Variants in IKZF1 observed in about 807,000 individuals in gnomAD.
IKZF1 encodes DNA-binding protein Ikaros.
Under a neutral mutation model 51.7 loss-of-function variants are expected in IKZF1, and 10 were observed. That is an observed-to-expected ratio of 0.19 (90% CI 0.12 to 0.33). IKZF1 has a LOEUF of 0.33. Ranked by LOEUF, IKZF1 falls within the 10% of genes least tolerant of loss-of-function variation. The probability of loss-of-function intolerance (pLI) is 1.00; values close to 1 mark genes in which losing one functional copy is unlikely to be tolerated. For synonymous variants in IKZF1, 280 were observed against 282.3 expected (o/e 0.99, Z 0.08); for missense variants, 484 against 707.5 (o/e 0.68, Z 3.58).
intron 1 of IKZF1, among the ~76,000 whole-genome samples, chr7:50,317,384 A>G (rs990969081): frequency 3.3e-5 from 5 of 152,216 alleles, no homozygotes; most frequent in Non-Finnish European, 5.9e-5. Flanking sequence ...ATTTGAGTCT[A>G]TCTTGCTTCT....
chr7:50,304,128 C>A (rs975435557), upstream of IKZF1: 33 of 146,978 alleles, frequency 2.2e-4, no homozygotes, highest in African/African-American at 7.9e-4. Context: ...CGGCCCGCAC[C>A]CGCCGCCGCC....
chr7:50,393,345 A>T (rs1562896770), intron 7 of IKZF1, among the ~76,000 whole-genome samples: 1 of 151,954 alleles, frequency 6.6e-6, no homozygotes, highest in African/African-American at 2.4e-5. Context: ...ACACATGGGG[A>T]AATTGTGGTG....
chr7:50,336,172 C>T (rs1367552381), intron 3 of IKZF1, among the ~76,000 whole-genome samples: 1 of 152,062 alleles, frequency 6.6e-6, no homozygotes, highest in Non-Finnish European at 1.5e-5. Flanking sequence ...GCTGGGTCCC[C>T]GGAGAAGACT....
intron 3 of IKZF1, chr7:50,368,588 T>C: frequency 2.0e-6 from 1 of 488,278 alleles, no homozygotes; most frequent in Non-Finnish European, 3.6e-6. Context: ...GCCAACGTAC[T>C]GTTCCTGCTT....
intron 3 of IKZF1, among the ~76,000 whole-genome samples, chr7:50,348,214 A>G (rs1414610764): frequency 6.6e-6 from 1 of 152,224 alleles, no homozygotes; most frequent in Non-Finnish European, 1.5e-5. Context: ...AGTGAAAGAA[A>G]TTCATTTTTT....
intron 1 of IKZF1, chr7:50,318,481 C>A (rs1443677965): frequency 4.4e-6 from 1 of 227,682 alleles, no homozygotes; most frequent in Non-Finnish European, 8.7e-6. Context: ...GACAGGAGCG[C>A]CCGCATTGCC....
At chr7:50,396,790 T>C (rs1213685454) in intron 7 of IKZF1, among the ~76,000 whole-genome samples, 1 of 152,234 alleles carries the variant, frequency 6.6e-6, no homozygotes, top group African/African-American at 2.4e-5. Flanking sequence ...TTTGTTAAAA[T>C]ACTTTTCCTT....
Position 50,328,046 on chromosome 7 carries a change from A to T in IKZF1, c.160+289A>T. ...TGTCACTGTCCTCTGTCCTCACTGC[A>T]CTTGCAGGAATATCAAATGTTATGG... is the stretch of plus-strand genomic sequence containing the variant. On this transcript the variant is annotated intron_variant, in intron 3 of 7. Coordinates refer to ENST00000331340, the MANE Select transcript of IKZF1 (RefSeq NM_006060.6). 2 of 325,970 alleles carry T rather than the reference A, an allele frequency of 6.1e-6. 1 individual carries two copies. Among genetic ancestry groups the T allele is most frequent in the Middle Eastern group, 8.3e-4 (2 of 2,402 alleles). 20.2% of individuals were successfully genotyped at this position (325,970 alleles called of 1,614,324 possible).
chr7:50,316,461 C>G (rs1004910500), intron 1 of IKZF1, among the ~76,000 whole-genome samples: 5 of 152,184 alleles, frequency 3.3e-5, no homozygotes, highest in Non-Finnish European at 7.3e-5. Context: ...CCAGCAGGCC[C>G]ACGTGCGAAA....
intron 3 of IKZF1, among the ~76,000 whole-genome samples, chr7:50,337,792 A>T (rs1324684792): frequency 6.6e-6 from 1 of 152,156 alleles, no homozygotes; most frequent in Admixed American, 6.5e-5. Context: ...GGGCACGATG[A>T]TATTTGATGT....
chr7:50,343,179 C>CCTCCCTTCCCCTCGT lies in IKZF1; in HGVS notation c.160+15451_160+15465dup, dbSNP rs1321113561. ...CTTCCCTCCTTCCCTCCCCACCCTC[C>CCTCCCTTCCCCTCGT]CTCCCTTCCCCTCGTCTCCCTTCCC... On this transcript the variant is annotated intron_variant, in intron 3 of 7. Transcript: ENST00000331340. Among the ~76,000 whole-genome samples the CCTCCCTTCCCCTCGT allele has an allele frequency of 3.0e-3, 321 of 107,034 alleles. 8 individuals are homozygous for CCTCCCTTCCCCTCGT. The highest frequency in any genetic ancestry group is 0.024 in the East Asian group (72 of 3,002). The allele number at this position is 107,034 out of a possible 152,430, so 70.2% of individuals were successfully genotyped here.
At chr7:50,306,809 C>G (rs1367199233) in intron 1 of IKZF1, among the ~76,000 whole-genome samples, 1 of 152,062 alleles carries the variant, frequency 6.6e-6, no homozygotes, top group East Asian at 1.9e-4. Context: ...ATTTTTTGTT[C>G]TTGATTTGGA....
At chr7:50,387,254 CT>C (rs1385601531) in intron 5 of IKZF1, 90 bp from the exon 6 acceptor site, 3 of 1,405,850 alleles carry the variant, frequency 2.1e-6, no homozygotes, top group East Asian at 2.7e-5. Flanking sequence ...TTTTTTTTAA[CT>C]TTTTTGGTAA....
At position 50,318,139 on chromosome 7, in the gene IKZF1, C is replaced by T. The variant is rs139788176; in HGVS notation, c.-14-909C>T. Among the ~76,000 whole-genome samples, 239 of 129,184 alleles carry T rather than the reference C, an allele frequency of 1.9e-3. 1 individual carries two copies. Among genetic ancestry groups the T allele is most frequent in the African/African-American group, 6.8e-3 (227 of 33,608 alleles). 84.7% of individuals were successfully genotyped at this position (129,184 alleles called of 152,430 possible). A position where few individuals can be genotyped will look rare whatever the true frequency, so the allele number is the denominator to read the frequency against. On this transcript the variant is annotated intron_variant, in intron 1 of 7. Transcript: ENST00000331340. ...CTTTGGGGCACCTGAGACTGCCGAGCGGCAGGCCAGGACCCAAGTGCGAAA... is the reference window on the plus strand; with the variant it reads ...CTTTGGGGCACCTGAGACTGCCGAGTGGCAGGCCAGGACCCAAGTGCGAAA...
chr7:50,340,530 G>A (rs1798840568), intron 3 of IKZF1, among the ~76,000 whole-genome samples: 1 of 152,246 alleles, frequency 6.6e-6, no homozygotes, highest in Non-Finnish European at 1.5e-5. Context: ...GTGAAGGACT[G>A]TTACCCTAGA....
chr7:50,368,638 A>T (rs1049580922), intron 3 of IKZF1: 4 of 337,842 alleles, frequency 1.2e-5, no homozygotes, highest in African/African-American at 8.4e-5. Context: ...CTGTTAAACC[A>T]AAAACAGATG....
intron 3 of IKZF1, among the ~76,000 whole-genome samples, chr7:50,361,997 C>T (rs1466049626): frequency 6.6e-6 from 1 of 152,148 alleles, no homozygotes; most frequent in Non-Finnish European, 1.5e-5. Flanking sequence ...TTAATTGGAG[C>T]TTTTTCTATC....
chr7:50,350,333 A>T (rs563272977), intron 3 of IKZF1, among the ~76,000 whole-genome samples: 1 of 152,220 alleles, frequency 6.6e-6, no homozygotes, highest in East Asian at 1.9e-4. Flanking sequence ...AGAAGCCTGT[A>T]CAGATGTTCC....
At chr7:50,329,917 G>A (rs1796061324) in intron 3 of IKZF1, among the ~76,000 whole-genome samples, 1 of 152,248 alleles carries the variant, frequency 6.6e-6, no homozygotes, top group Non-Finnish European at 1.5e-5. Context: ...TTAGAGAACT[G>A]AAAGTCAGGC....
Sources: allele counts gnomAD v4.1 joint callset (sites outside exome capture counted in the v4.1 genomes callset), GRCh38; gene constraint gnomAD v4.1.1; transcripts MANE v1.5; gene names NCBI Gene and HGNC (gene_info 2026-07-23, HGNC 2026-07-21).